LRP2: variants seen among roughly 807,000 people sequenced by gnomAD.
The protein encoded by LRP2 is low-density lipoprotein receptor-related protein 2.
In LRP2, 172 loss-of-function variants were observed where a neutral mutation model predicts 531.0. The observed-to-expected ratio is 0.32, with a 90% CI of 0.29 to 0.37. The LOEUF (loss-of-function observed/expected upper bound fraction) is 0.37. LRP2 is among the 10% of genes least tolerant of loss of function. LRP2 has a pLI of 1.00. For missense variants in LRP2, 5,167 were observed against 5,868.3 expected, an observed-to-expected ratio of 0.88 and a Z score of 3.90; for synonymous variants, 1,992 against 2,027.6, an observed-to-expected ratio of 0.98 and a Z score of 0.47.
intron 62 of LRP2, among the ~76,000 whole-genome samples, chr2:169,164,731 C>T (rs2105265556): frequency 6.6e-6 from 1 of 152,300 alleles, no homozygotes; most frequent in Non-Finnish European, 1.5e-5. Context: ...TGAAATGTTG[C>T]AGGTTGCTTC....
rs777698694 is a variant in LRP2, at chr2:169,132,609, T to C, written c.13693A>G (p.Thr4565Ala). Residue 4565 changes from threonine to alanine, a missense_variant, in exon 77 of 79, where the codon ACA becomes GCA. By Grantham distance (58) the Thr-to-Ala change is moderately conservative. Coordinates refer to ENST00000649046, the MANE Select transcript of LRP2 (RefSeq NM_004525.3). ...PINPSEIVPE[T>A]NPTSPAADGT... ...TCAGCAGCTGGTGAAGTTGGGTTTG[T>C]CTCTGGAACTATCTCAGAAGGGTTT... is the stretch of plus-strand genomic sequence containing the variant. 6.2e-7 allele frequency: 1 copy of C among 1,611,048 alleles called. No homozygotes were observed. The highest frequency in any genetic ancestry group is 1.3e-5 in the African/African-American group (1 of 74,958).
Position 169,140,489 on chromosome 2 carries a change from A to T in LRP2, c.13165T>A (p.Cys4389Ser). Residue 4389 changes from cysteine to serine, a missense_variant, in exon 72 of 79, where the codon TGC becomes AGC. Coordinates refer to ENST00000649046, the MANE Select transcript of LRP2 (RefSeq NM_004525.3). ...GGGAGGTCAGTCTCATCAAAATAGC[A>T]ATTTCCTCCGTGCATGCACCTGCAT... is the stretch of plus-strand genomic sequence containing the variant. ...PPCRCMHGGN[C>S]YFDETDLPKC... 6.2e-7 allele frequency: 1 copy of T among 1,614,130 alleles called. No individual in the cohort carries two copies. The highest frequency in any genetic ancestry group is 8.5e-7 in the Non-Finnish European group (1 of 1,180,012).
chr2:169,254,970 C>A (rs1690245458), intron 19 of LRP2, among the ~76,000 whole-genome samples: 2 of 151,826 alleles, frequency 1.3e-5, no homozygotes, highest in African/African-American at 4.8e-5. Flanking sequence ...TTTTAAATAC[C>A]ACACACTCCT....
In LRP2 at chr2:169,307,357, A is replaced by G. The variant is rs1275076469; in HGVS notation, c.351T>C (p.Asn117=). Reference sequence around the variant, plus strand: ...TGTATTCACTTGGGATACACTGACCATTGGAGCATGTTATCTGATGACTTG... The same window carrying G: ...TGTATTCACTTGGGATACACTGACCGTTGGAGCATGTTATCTGATGACTTG... ...TCSSHQITCS[N]GQCIPSEYRC... is the part of the protein sequence containing the mutation. The change falls in exon 4 of 79, where the codon AAT becomes AAC. Residue 117 remains asparagine, a synonymous_variant. Transcript: ENST00000649046. 4 of 1,613,870 alleles carry G rather than the reference A, an allele frequency of 2.5e-6. No individual in the cohort carries two copies. The African/African-American group carries it at 5.3e-5, about 22-fold the overall frequency.
chr2:169,157,202 G>T (rs1293765861), intron 64 of LRP2, among the ~76,000 whole-genome samples, 169 bp downstream of exon 64: 1 of 152,146 alleles, frequency 6.6e-6, no homozygotes, highest in East Asian at 1.9e-4. Context: ...TAGCATGCAT[G>T]CAGGTGGGGG....
chr2:169,231,321 A>C (rs1372557467), intron 31 of LRP2, among the ~76,000 whole-genome samples: 1 of 151,000 alleles, frequency 6.6e-6, no homozygotes, highest in East Asian at 1.9e-4. Flanking sequence ...AAAGAAAGAA[A>C]AAAGAAAAAA....
chr2:169,224,513 T>C (rs761957072), intron 33 of LRP2, among the ~76,000 whole-genome samples: 18 of 152,206 alleles, frequency 1.2e-4, no homozygotes, highest in Non-Finnish European at 2.4e-4. Flanking sequence ...ACTTTCTGTT[T>C]TGCTGTTAGA....
At chr2:169,233,618 C>A in intron 29 of LRP2, 30 bp from the exon 30 acceptor site, 2 of 1,609,854 alleles carry the variant, frequency 1.2e-6, no homozygotes, top group South Asian at 2.2e-5. Context: ...AGTGAGACCT[C>A]ATCCAAAAAT....
chr2:169,328,349 G>A (rs1200569136), intron 1 of LRP2, among the ~76,000 whole-genome samples: 33 of 134,150 alleles, frequency 2.5e-4, no homozygotes, highest in South Asian at 4.8e-4. Context: ...GCCTCTGCCC[G>A]GCCACCCCTA....
At chr2:169,329,625 G>C (rs1184698056) in intron 1 of LRP2, among the ~76,000 whole-genome samples, 1 of 152,216 alleles carries the variant, frequency 6.6e-6, no homozygotes, top group Non-Finnish European at 1.5e-5. Flanking sequence ...TACAGACTTT[G>C]ACCATGAAAA....
chr2:169,324,345 A>AT (rs1684986749), intron 1 of LRP2, among the ~76,000 whole-genome samples: 1 of 151,108 alleles, frequency 6.6e-6, no homozygotes, highest in South Asian at 2.1e-4. Context: ...TCAAGAATGA[A>AT]TGTAAAAATC....
chr2:169,142,768 G>A lies in LRP2; in HGVS notation c.13014C>T (p.Cys4338=), dbSNP rs1295223999. The change falls in exon 71 of 79, where the codon TGC becomes TGT. Residue 4338 remains cysteine (C), a synonymous_variant. Transcript: ENST00000649046. ...CAGGTCTCAGAAGGCAGAGGTGGCT[G>A]CAGATCTGTTTGCAAAGGTTGGGCA... ...KSVPNLCKQI[C]SHLCLLRPGG... is the part of the protein sequence containing the mutation. 3 of 1,613,952 alleles carry A rather than the reference G, an allele frequency of 1.9e-6. No individual in the cohort carries two copies. Among genetic ancestry groups the A allele is most frequent in the Non-Finnish European group, 2.5e-6 (3 of 1,179,958 alleles).
chr2:169,356,337 T>G (rs1042772036), intron 1 of LRP2, among the ~76,000 whole-genome samples: 1 of 152,246 alleles, frequency 6.6e-6, no homozygotes, highest in Non-Finnish European at 1.5e-5. Context: ...AGGTGCATCA[T>G]TCTCAGACCC....
At chr2:169,291,151 C>T (rs1204060391) in intron 7 of LRP2, among the ~76,000 whole-genome samples, 154 bp from the exon 8 acceptor site, 3 of 152,112 alleles carry the variant, frequency 2.0e-5, no homozygotes, top group African/African-American at 7.2e-5. Context: ...CTAACTCTAC[C>T]ACTAGTCTTT....
At chr2:169,207,885 T>C (rs1292577917) in intron 38 of LRP2, among the ~76,000 whole-genome samples, 1 of 152,220 alleles carries the variant, frequency 6.6e-6, no homozygotes, top group Admixed American at 6.5e-5. Context: ...GACCACAAAT[T>C]ATTGATTTCA....
At chr2:169,237,421 C>T in intron 27 of LRP2, 134 bp from the exon 28 acceptor site, 1 of 687,426 alleles carries the variant, frequency 1.5e-6, no homozygotes, top group Non-Finnish European at 2.5e-6. Flanking sequence ...AATTTTGTCT[C>T]CTCATGTAGC....
In LRP2 at chr2:169,320,838, A is replaced by G; in HGVS notation, c.126T>C (p.Pro42=). Residue 42 remains proline (P), a synonymous_variant, in exon 2 of 79, where the codon CCT becomes CCC. Coordinates refer to ENST00000649046, the MANE Select transcript of LRP2 (RefSeq NM_004525.3). ...TGGTCCCATCACACCTCCAGTCTGC[A>G]GGGATGCAATGCCCACTTCCACAGC... ...HFRCGSGHCI[P]ADWRCDGTKD... 1.9e-6 allele frequency: 3 copies of G among 1,614,194 alleles called. No homozygotes were observed. The highest frequency in any genetic ancestry group is 2.5e-6 in the Non-Finnish European group (3 of 1,180,012).
chr2:169,323,298 G>A (rs566401602), intron 1 of LRP2, among the ~76,000 whole-genome samples: 4 of 152,166 alleles, frequency 2.6e-5, no homozygotes, highest in South Asian at 2.1e-4. Context: ...ACTCCCAAAC[G>A]ACTATTGTTT....
At chr2:169,205,376 A>C in intron 41 of LRP2, 103 bp downstream of exon 41, 1 of 1,257,054 alleles carries the variant, frequency 8.0e-7, no homozygotes, top group Non-Finnish European at 1.2e-6. Flanking sequence ...GGCAATGTCT[A>C]TCTGGCATGC....
Sources: gnomAD v4.1 joint callset for allele counts (sites outside exome capture counted in the v4.1 genomes callset) on GRCh38, gnomAD v4.1.1 for gene constraint, MANE v1.5 for transcripts, NCBI Gene and HGNC (gene_info 2026-07-23, HGNC 2026-07-21) for gene names.